The following MGAM variants were observed in gnomAD, a reference collection of about 807,000 sequenced individuals.
The protein encoded by MGAM is maltase-glucoamylase.
MGAM carries 253 observed loss-of-function variants against 358.8 expected under a neutral mutation model. That is an observed-to-expected ratio of 0.71 (90% CI 0.64 to 0.78). The LOEUF (loss-of-function observed/expected upper bound fraction) is 0.78, where lower values mean the gene tolerates loss of function less well. MGAM is among the 30% of genes least tolerant of loss of function. The pLI is 0.00. For missense variants in MGAM, 3,080 were observed against 3,432.6 expected (o/e 0.90, Z 2.57); for synonymous variants, 1,105 against 1,227.1 (o/e 0.90, Z 2.08).
rs1805343320 is a variant in MGAM, at chr7:142,008,537, TC to T, written c.161del (p.Pro54LeufsTer40). 6.2e-7 allele frequency: 1 copy of T among 1,612,956 alleles called. No homozygotes were observed. The highest frequency in any genetic ancestry group is 1.3e-5 in the African/African-American group (1 of 74,994). On this transcript the variant is annotated frameshift_variant, in exon 3 of 71. Coordinates refer to ENST00000475668, the MANE Select transcript of MGAM (RefSeq NM_001365693.1). LOFTEE classifies it high-confidence loss of function. ...ATCCTGGGACAACTGGTACCCCAGA[TC>T]CTGGGACAACTGGTACCCCAGATCC... ...PDPGTTGTPD[P>X]GTTGTPDPGT...
At chr7:142,028,279 T>A (rs1183332590) in intron 10 of MGAM, among the ~76,000 whole-genome samples, 4 of 152,188 alleles carry the variant, frequency 2.6e-5, no homozygotes, top group Non-Finnish European at 5.9e-5. Flanking sequence ...TTCTTAGGTT[T>A]AGTGTCAGGT....
chr7:142,071,079 T>C lies in MGAM; in HGVS notation c.5147T>C (p.Ile1716Thr). 2 of 1,556,332 alleles carry C rather than the reference T, an allele frequency of 1.3e-6. No individual in the cohort carries two copies. Among genetic ancestry groups the C allele is most frequent in the Non-Finnish European group, 1.8e-6 (2 of 1,132,580 alleles). Residue 1716 changes from isoleucine to threonine, a missense_variant, in exon 44 of 71, where the codon ATC becomes ACC. By Grantham distance (89) the Ile-to-Thr change is moderately conservative. This residue lies in a region of MGAM where 932 missense variants were observed against 1,198.2 expected (regional missense o/e 0.78). Transcript: ENST00000475668. Reference protein sequence around the residue: ...HINLHVRGGYILPWQEPALNT... With the variant: ...HINLHVRGGYTLPWQEPALNT... ...AATCTTCATGTCCGTGGGGGCTACA[T>C]CCTGCCCTGGCAAGAGCCTGCACTG...
intron 21 of MGAM, among the ~76,000 whole-genome samples, chr7:142,042,092 T>A (rs1172059301): frequency 1.3e-5 from 1 of 77,564 alleles, no homozygotes; most frequent in Non-Finnish European, 2.3e-5. Flanking sequence ...ATATAACATA[T>A]AATATATACA....
Position 142,094,370 on chromosome 7 carries a change from G to A in MGAM, c.7179G>A (p.Val2393=), listed in dbSNP as rs750667098. The change falls in exon 61 of 71, where the codon GTG becomes GTA. Residue 2393 remains valine, a synonymous_variant. Transcript: ENST00000475668. ...WSQTRPTYEA[V]QEVTGQRGVV... ...CCTTTTCCCCTCCAACCAGAGCCGT[G>A]CAGGAGGTGACAGGACAGCGAGGGG... is the stretch of plus-strand genomic sequence containing the variant. 28 of 1,523,500 alleles carry A rather than the reference G, an allele frequency of 1.8e-5. 3 individuals carry two copies. In the Admixed American group the frequency reaches 5.2e-4, roughly 28 times the overall value. 94.4% of individuals were successfully genotyped at this position (1,523,500 alleles called of 1,614,324 possible).
At chr7:142,011,685 T>C (rs1342557133) in intron 3 of MGAM, among the ~76,000 whole-genome samples, 2 of 152,194 alleles carry the variant, frequency 1.3e-5, no homozygotes, top group Non-Finnish European at 2.9e-5. Context: ...AACATACTCA[T>C]TAAACGTTCG....
chr7:142,015,819 A>G lies in MGAM; in HGVS notation c.328-3380A>G, dbSNP rs150488831. Among the ~76,000 whole-genome samples the G allele has an allele frequency of 8.5e-3, 1,295 of 152,244 alleles. 22 individuals are homozygous for G. The highest frequency in any genetic ancestry group is 0.029 in the African/African-American group (1,221 of 41,578). On this transcript the variant is annotated intron_variant, in intron 3 of 70. Transcript: ENST00000475668. The stretch of plus-strand genomic sequence containing the variant: ...CAGTTTTGGTGGATATCCATGATCA[A>G]ACTAAGGAAGTTGCTTTTCATTCCA...
intron 18 of MGAM, 66 bp from the exon 19 acceptor site, chr7:142,038,465 G>A: frequency 8.0e-7 from 1 of 1,244,024 alleles, no homozygotes; most frequent in Non-Finnish European, 1.1e-6. Flanking sequence ...TTGTGTGTGA[G>A]TAGAGCTGCT....
In MGAM at chr7:142,083,596, A is replaced by C. The variant is rs1483611839; in HGVS notation, c.6381+183A>C. On this transcript the variant is annotated intron_variant, in intron 53 of 70. Coordinates refer to ENST00000475668, the MANE Select transcript of MGAM (RefSeq NM_001365693.1). The stretch of plus-strand genomic sequence containing the variant: ...CATTAAATTTATAGCCTCTGTAAGC[A>C]TTGCAGAATAGCAGAAGTTACAGTG... 1.4e-5 allele frequency among the ~76,000 whole-genome samples: 2 copies of C among 146,690 alleles called. 1 individual carries two copies. The highest frequency in any genetic ancestry group is 3.1e-5 in the Non-Finnish European group (2 of 64,822).
upstream of MGAM, among the ~76,000 whole-genome samples, chr7:141,991,713 G>T (rs1458016914): frequency 3.3e-5 from 5 of 152,114 alleles, no homozygotes; most frequent in African/African-American, 1.2e-4. Flanking sequence ...GGGATTACAG[G>T]CGTGAGCCAC....
At chr7:142,011,100 G>A (rs182242976) in intron 3 of MGAM, among the ~76,000 whole-genome samples, 1 of 152,272 alleles carries the variant, frequency 6.6e-6, no homozygotes, top group Non-Finnish European at 1.5e-5. Flanking sequence ...CTAAGTAAAT[G>A]TTGCAGAGTA....
intron 14 of MGAM, 120 bp downstream of exon 14, chr7:142,033,029 A>G (rs1554464381): frequency 1.7e-6 from 1 of 576,096 alleles, no homozygotes; most frequent in Non-Finnish European, 3.0e-6. Flanking sequence ...AGAAAAAGAA[A>G]TATGTGGGTA....
rs1351716425 is a variant in MGAM, at chr7:142,055,588, C to A, written c.3345C>A (p.Phe1115Leu). The A allele has an allele frequency of 6.2e-7, 1 of 1,613,806 alleles. No individual in the cohort carries two copies. Among genetic ancestry groups the A allele is most frequent in the African/African-American group, 1.3e-5 (1 of 74,902 alleles). Reference protein sequence around the residue: ...IWDSQLLGFTFSDMFIRISTR... With the variant: ...IWDSQLLGFTLSDMFIRISTR... ...ACTCTCAGCTCCTTGGCTTTACCTT[C>A]AGTGACATGTTTATCCGCATCTCCA... Residue 1115 changes from phenylalanine to leucine, a missense_variant, in exon 28 of 71, where the codon TTC becomes TTA. By Grantham distance (22) the Phe-to-Leu change is conservative. Around this residue, in one of 5 missense-constraint regions of MGAM, gnomAD observed 1,816 missense variants for 1,840.5 expected, o/e 0.99. Transcript: ENST00000475668.
intron 30 of MGAM, 64 bp from the exon 31 acceptor site, chr7:142,058,139 T>G: frequency 6.2e-7 from 1 of 1,606,344 alleles, no homozygotes; most frequent in Non-Finnish European, 8.5e-7. Flanking sequence ...TTCTTATTAC[T>G]TGATGTAAAA....
intron 21 of MGAM, among the ~76,000 whole-genome samples, chr7:142,041,564 A>C (rs1584968573): frequency 6.6e-6 from 1 of 151,862 alleles, no homozygotes; most frequent in East Asian, 1.9e-4. Flanking sequence ...TTGAAGTCCA[A>C]AGTCTTTCAT....
intron 1 of MGAM, among the ~76,000 whole-genome samples, chr7:142,001,290 A>T (rs1278552598): frequency 6.6e-6 from 1 of 152,198 alleles, no homozygotes; most frequent in East Asian, 1.9e-4. Flanking sequence ...AGAGGGCATT[A>T]CGTTGACTAA....
chr7:142,102,644 G>A lies in MGAM; in HGVS notation c.7978G>A (p.Gly2660Arg), dbSNP rs769559638. The A allele has an allele frequency of 1.1e-5, 18 of 1,613,432 alleles. No individual in the cohort carries two copies. The highest frequency in any genetic ancestry group is 1.5e-5 in the Non-Finnish European group (18 of 1,179,676). ...DGQSIDTYGKGLYYLASFSAS... is the reference protein window; with the variant it reads ...DGQSIDTYGKRLYYLASFSAS... ...TTTGTTTGCAGATACCTATGGGAAA[G>A]GACTCTATTACTTGGCCAGCTTTTC... The change falls in exon 69 of 71, where the codon GGA becomes AGA. Residue 2660 changes from glycine (G) to arginine (R), a missense_variant. This residue lies in a region of MGAM where 194 missense variants were observed against 172.8 expected (regional missense o/e 1.12). Transcript: ENST00000475668.
At chr7:142,097,694 A>C in intron 66 of MGAM, 45 bp downstream of exon 66, 1 of 1,552,962 alleles carries the variant, frequency 6.4e-7, no homozygotes, top group Non-Finnish European at 8.9e-7. Context: ...AATGGTAGAG[A>C]GTACAAAGGC....
At chr7:142,100,614 T>C (rs1038017602) in intron 67 of MGAM, among the ~76,000 whole-genome samples, 188 bp from the exon 68 acceptor site, 6 of 152,316 alleles carry the variant, frequency 3.9e-5, no homozygotes, top group Non-Finnish European at 8.8e-5. Context: ...AATTCATTTG[T>C]TCATGATATG....
At position 142,082,103 on chromosome 7, in the gene MGAM, C is replaced by T. The variant is rs1171129189; in HGVS notation, c.6064C>T (p.Leu2022Phe). ...CATGTTTATCCGCATCTCCACCCGC[C>T]TTCCCTCCAAGTACCTCTATGGCTT... The part of the protein sequence containing the change: ...NDMFIRISTR[L>F]PSKYLYGFGE... The change falls in exon 51 of 71, where the codon CTT becomes TTT. Residue 2022 changes from leucine (L) to phenylalanine (F), a missense_variant. Leu to Phe is a conservative substitution (Grantham distance 22). This residue lies in a region of MGAM where 932 missense variants were observed against 1,198.2 expected (regional missense o/e 0.78). Coordinates refer to ENST00000475668, the MANE Select transcript of MGAM (RefSeq NM_001365693.1). The T allele has an allele frequency of 6.4e-7, 1 of 1,556,126 alleles. No homozygotes were observed. Among genetic ancestry groups the T allele is most frequent in the Admixed American group, 1.7e-5 (1 of 58,468 alleles).
Sources: gnomAD v4.1 joint callset for allele counts (sites outside exome capture counted in the v4.1 genomes callset) on GRCh38, gnomAD v4.1.1 for gene constraint, gnomAD v4.1.1 regional missense constraint, MANE v1.5 for transcripts, NCBI Gene and HGNC (gene_info 2026-07-23, HGNC 2026-07-21) for gene names.